Variants in PRKG1 observed in about 807,000 individuals in gnomAD.
The protein encoded by PRKG1 is cGMP-dependent protein kinase 1.
In PRKG1, 35 loss-of-function variants were observed where a neutral mutation model predicts 88.1. That is an observed-to-expected ratio of 0.40 (90% CI 0.30 to 0.53). The LOEUF (loss-of-function observed/expected upper bound fraction) is 0.53, where lower values mean the gene tolerates loss of function less well. PRKG1 is among the 20% of genes least tolerant of loss of function. The pLI is 0.59. For synonymous variants in PRKG1, 303 were observed against 292.5 expected (o/e 1.04, Z -0.37); for missense variants, 540 against 839.8 (o/e 0.64, Z 4.41).
At chr10:51,468,366 T>C (rs1446568661) in intron 3 of PRKG1, among the ~76,000 whole-genome samples, 2 of 151,880 alleles carry the variant, frequency 1.3e-5, no homozygotes, top group East Asian at 3.8e-4. Context: ...CTGTATATTA[T>C]AGCATTTATC....
chr10:51,871,734 A>G (rs1308346802), intron 4 of PRKG1, among the ~76,000 whole-genome samples: 1 of 152,054 alleles, frequency 6.6e-6, no homozygotes, highest in Non-Finnish European at 1.5e-5. Flanking sequence ...ACTTCCCCCA[A>G]CTCTGGCTGG....
intron 4 of PRKG1, among the ~76,000 whole-genome samples, chr10:51,882,106 T>G (rs1446154548): frequency 2.0e-5 from 3 of 152,152 alleles, no homozygotes; most frequent in Non-Finnish European, 2.9e-5. Flanking sequence ...CTTTGGAAAA[T>G]CTCATTGTTA....
At position 51,829,667 on chromosome 10, in the gene PRKG1, C is replaced by A. The variant is rs185028036; in HGVS notation, c.698+24977C>A. On this transcript the variant is annotated intron_variant, in intron 4 of 17. Transcript: ENST00000373980. ...TATGACATCTTATTTTCTAAATACA[C>A]GTGAACACACACACACATACATGTG... is the stretch of plus-strand genomic sequence containing the variant. 2.6e-5 allele frequency among the ~76,000 whole-genome samples: 4 copies of A among 152,272 alleles called. 1 individual carries two copies. The highest frequency in any genetic ancestry group is 1.3e-4 in the Admixed American group (2 of 15,290).
chr10:51,090,766 G>T (rs559929742), intron 1 of PRKG1, among the ~76,000 whole-genome samples: 40 of 152,248 alleles, frequency 2.6e-4, no homozygotes, highest in African/African-American at 9.4e-4. Flanking sequence ...TTGCTGCTCT[G>T]GTTGAAGGTT....
chr10:51,743,540 T>G (rs1837489585), intron 3 of PRKG1, among the ~76,000 whole-genome samples: 1 of 151,206 alleles, frequency 6.6e-6, no homozygotes, highest in African/African-American at 2.4e-5. Flanking sequence ...AGGTGGGATA[T>G]ATTTGCTGTT....
chr10:51,816,222 TAA>T (rs1839581061), intron 4 of PRKG1, among the ~76,000 whole-genome samples: 3 of 152,190 alleles, frequency 2.0e-5, no homozygotes, highest in Admixed American at 2.0e-4. Flanking sequence ...AAGAAAAGAC[TAA>T]GTCCTTGGCT....
intron 3 of PRKG1, among the ~76,000 whole-genome samples, chr10:51,493,370 T>C (rs1267969644): frequency 1.3e-5 from 2 of 152,200 alleles, no homozygotes; most frequent in African/African-American, 2.4e-5. Context: ...TAGTGGATTG[T>C]TTGTAATTGC....
chr10:50,993,616 G>T (rs902301462), intron 1 of PRKG1, among the ~76,000 whole-genome samples: 2 of 152,190 alleles, frequency 1.3e-5, no homozygotes, highest in Non-Finnish European at 2.9e-5. Context: ...GGGCTGCCGG[G>T]CTAGGGCTTT....
chr10:52,130,039 A>T (rs1041734705), intron 7 of PRKG1, among the ~76,000 whole-genome samples: 1 of 152,178 alleles, frequency 6.6e-6, no homozygotes, highest in Non-Finnish European at 1.5e-5. Context: ...TTCTCAGAGC[A>T]CCACCCTTTG....
intron 2 of PRKG1, among the ~76,000 whole-genome samples, chr10:51,203,275 G>C (rs1469209796): frequency 1.3e-5 from 2 of 152,106 alleles, no homozygotes; most frequent in Admixed American, 1.3e-4. Flanking sequence ...TTAATGGCAG[G>C]AATGATATTG....
chr10:51,271,496 G>T (rs1839979741), intron 2 of PRKG1, among the ~76,000 whole-genome samples: 1 of 152,098 alleles, frequency 6.6e-6, no homozygotes, highest in South Asian at 2.1e-4. Context: ...ATGGATATAA[G>T]ATGTATCACT....
At chr10:51,169,476 A>C (rs1185911110) in intron 2 of PRKG1, among the ~76,000 whole-genome samples, 1 of 152,148 alleles carries the variant, frequency 6.6e-6, no homozygotes, top group Non-Finnish European at 1.5e-5. Context: ...AATTTTTTAA[A>C]ATGCTGTTTT....
intron 7 of PRKG1, among the ~76,000 whole-genome samples, chr10:52,073,615 C>T (rs1020794341): frequency 6.6e-6 from 1 of 152,132 alleles, no homozygotes; most frequent in South Asian, 2.1e-4. Context: ...GAACTTACAA[C>T]AATCTCCAAA....
At chr10:51,226,261 T>A (rs773959732) in intron 2 of PRKG1, among the ~76,000 whole-genome samples, 1 of 152,180 alleles carries the variant, frequency 6.6e-6, no homozygotes, top group Admixed American at 6.6e-5. Context: ...AGATTATTTA[T>A]TTACAAAATT....
At chr10:51,626,154 C>T (rs1302737409) in intron 3 of PRKG1, among the ~76,000 whole-genome samples, 1 of 152,096 alleles carries the variant, frequency 6.6e-6, no homozygotes, top group African/African-American at 2.4e-5. Flanking sequence ...ATGTTTACTA[C>T]GATTGTGGGA....
At chr10:51,634,164 C>T (rs751459698) in intron 3 of PRKG1, among the ~76,000 whole-genome samples, 1 of 152,018 alleles carries the variant, frequency 6.6e-6, no homozygotes, top group Admixed American at 6.6e-5. Context: ...AGTAATAAAC[C>T]TACCCTAGGT....
chr10:51,441,663 A>G (rs1368907844), intron 2 of PRKG1, among the ~76,000 whole-genome samples: 1 of 151,918 alleles, frequency 6.6e-6, no homozygotes, highest in African/African-American at 2.4e-5. Flanking sequence ...TCTACCAGAA[A>G]TTTTGTTCTC....
At chr10:51,590,417 T>C (rs1282426542) in intron 3 of PRKG1, among the ~76,000 whole-genome samples, 1 of 152,202 alleles carries the variant, frequency 6.6e-6, no homozygotes, top group African/African-American at 2.4e-5. Flanking sequence ...TTGTATGCCA[T>C]CTATTGTGGA....
intron 2 of PRKG1, among the ~76,000 whole-genome samples, chr10:51,313,070 AGT>A (rs34130710): frequency 3.1e-4 from 45 of 145,700 alleles, no homozygotes; most frequent in African/African-American, 7.0e-4. Context: ...ATTAAGTTGC[AGT>A]GTGTGTGTGT....
Sources: gnomAD v4.1 joint callset for allele counts (sites outside exome capture counted in the v4.1 genomes callset) on GRCh38, gnomAD v4.1.1 for gene constraint, MANE v1.5 for transcripts, NCBI Gene and HGNC (gene_info 2026-07-23, HGNC 2026-07-21) for gene names.